The following UBE3C variants were observed in gnomAD, a reference collection of about 807,000 sequenced individuals.
UBE3C encodes the protein ubiquitin-protein ligase E3C.
Under a neutral mutation model 129.4 loss-of-function variants are expected in UBE3C, and 42 were observed. That is an observed-to-expected ratio of 0.32 (90% CI 0.25 to 0.42). The LOEUF is 0.42. Ranked by LOEUF, UBE3C falls within the 10% of genes least tolerant of loss-of-function variation. The probability of loss-of-function intolerance (pLI) is 1.00; values close to 1 mark genes in which losing one functional copy is unlikely to be tolerated. For synonymous variants in UBE3C, 510 were observed against 492.4 expected (o/e 1.04, Z -0.47); for missense variants, 1,049 against 1,319.1 (o/e 0.80, Z 3.17).
intron 1 of UBE3C, among the ~76,000 whole-genome samples, chr7:157,150,637 C>T (rs1010096388): frequency 4.6e-5 from 7 of 152,110 alleles, no homozygotes; most frequent in East Asian, 1.9e-4. Flanking sequence ...GGTCATGATG[C>T]GTATTAATGT....
intron 18 of UBE3C, among the ~76,000 whole-genome samples, chr7:157,245,723 G>A (rs1456651292): frequency 6.6e-6 from 1 of 152,200 alleles, no homozygotes; most frequent in East Asian, 1.9e-4. Flanking sequence ...GGGATGTTAT[G>A]CCGGCTCTAG....
At chr7:157,220,576 G>A (rs1335130810) in intron 14 of UBE3C, 113 bp from the exon 15 acceptor site, 5 of 1,207,676 alleles carry the variant, frequency 4.1e-6, no homozygotes, top group Non-Finnish European at 5.8e-6. Context: ...AGGTCAGAGA[G>A]AGGGCCCAGC....
chr7:157,154,510 A>G (rs1296805912), intron 1 of UBE3C, among the ~76,000 whole-genome samples: 1 of 152,176 alleles, frequency 6.6e-6, no homozygotes, highest in African/African-American at 2.4e-5. Flanking sequence ...AAAATATCTT[A>G]GTGATTCCAT....
intron 1 of UBE3C, among the ~76,000 whole-genome samples, chr7:157,147,735 A>C (rs1807646326): frequency 6.6e-6 from 1 of 152,180 alleles, no homozygotes; most frequent in Admixed American, 6.5e-5. Flanking sequence ...CCTAGTTTGC[A>C]GAATTTTATC....
chr7:157,172,151 C>T (rs895402013), intron 4 of UBE3C, among the ~76,000 whole-genome samples: 4 of 151,996 alleles, frequency 2.6e-5, no homozygotes, highest in South Asian at 4.2e-4. Flanking sequence ...CCTACCTGAG[C>T]GCCCTGAGTA....
chr7:157,176,462 A>G (rs1274288981), intron 5 of UBE3C, among the ~76,000 whole-genome samples: 2 of 152,132 alleles, frequency 1.3e-5, no homozygotes, highest in Non-Finnish European at 2.9e-5. Flanking sequence ...TTTAGTAGAG[A>G]TGGGGTTTTG....
chr7:157,139,148 G>T lies in UBE3C; in HGVS notation c.-125G>T. ...GGGGGCGGGCTCGGGTCGCCTCCCG[G>T]CCGCCGCGTCCTCGCTGCCCCGGGC... On this transcript the variant is annotated 5_prime_UTR_variant, in exon 1 of 23. Transcript: ENST00000348165. The T allele has an allele frequency of 5.4e-6, 3 of 555,400 alleles. No homozygotes were observed. The highest frequency in any genetic ancestry group is 6.9e-6 in the Non-Finnish European group (3 of 433,302). 34.4% of individuals were successfully genotyped at this position (555,400 alleles called of 1,614,324 possible).
At chr7:157,224,472 G>A (rs1411265822) in intron 16 of UBE3C, among the ~76,000 whole-genome samples, 3 of 152,136 alleles carry the variant, frequency 2.0e-5, no homozygotes, top group Non-Finnish European at 2.9e-5. Flanking sequence ...GAAATTACAG[G>A]CATGAGCCAC....
intron 22 of UBE3C, among the ~76,000 whole-genome samples, chr7:157,263,935 A>C (rs1425393335): frequency 1.3e-5 from 2 of 152,004 alleles, no homozygotes; most frequent in African/African-American, 4.8e-5. Flanking sequence ...GTAGATATGC[A>C]TAATTTTTTC....
intron 19 of UBE3C, among the ~76,000 whole-genome samples, chr7:157,250,440 A>C (rs535734373): frequency 5.3e-5 from 8 of 150,966 alleles, no homozygotes; most frequent in African/African-American, 2.0e-4. Flanking sequence ...TCCTGCCTCA[A>C]CCTCCCAAAG....
chr7:157,158,523 C>T (rs573653425), intron 1 of UBE3C, among the ~76,000 whole-genome samples: 30 of 152,290 alleles, frequency 2.0e-4, no homozygotes, highest in South Asian at 1.7e-3. Context: ...GCTGCCAAAG[C>T]TGTGATTAAA....
rs1400184537 is a variant in UBE3C at position 157,175,141 on chromosome 7, T to TTA, written c.458+108_458+109insAT. Reference sequence around the variant, plus strand: ...AGAGACAGTGGCTTTTCCATACTTTTTTTTTTTTTTTTTTTTTGAGGTCAT... The same window carrying TTA: ...AGAGACAGTGGCTTTTCCATACTTTTTATTTTTTTTTTTTTTTTTGAGGTCAT... On this transcript the variant is annotated intron_variant, in intron 5 of 22. Transcript: ENST00000348165. 5.8e-4 allele frequency: 350 copies of TTA among 602,410 alleles called. 7 individuals are homozygous for TTA. In the African/African-American group the frequency reaches 6.5e-3, roughly 11 times the overall value. The allele number at this position is 602,410 out of a possible 1,614,324, so 37.3% of individuals were successfully genotyped here. A position where few individuals can be genotyped will look rare whatever the true frequency, so the allele number is the denominator to read the frequency against.
chr7:157,253,363 G>A (rs1451888324), intron 19 of UBE3C, among the ~76,000 whole-genome samples: 1 of 152,220 alleles, frequency 6.6e-6, no homozygotes, highest in East Asian at 1.9e-4. Context: ...TGCAAATTCT[G>A]TGAGTATAGC....
intron 18 of UBE3C, among the ~76,000 whole-genome samples, chr7:157,243,199 G>A (rs973982080): frequency 6.6e-6 from 1 of 152,204 alleles, no homozygotes; most frequent in Admixed American, 6.5e-5. Flanking sequence ...GTGCCCTGCA[G>A]GGCTTCCGAA....
At chr7:157,236,230 T>C (rs1796149113) in intron 18 of UBE3C, among the ~76,000 whole-genome samples, 1 of 147,712 alleles carries the variant, frequency 6.8e-6, no homozygotes, top group Admixed American at 7.0e-5. Flanking sequence ...TGTGGTAATG[T>C]CATCTTGAAC....
intron 1 of UBE3C, among the ~76,000 whole-genome samples, chr7:157,156,885 G>T (rs1426054559): frequency 6.6e-6 from 1 of 151,892 alleles, no homozygotes; most frequent in Non-Finnish European, 1.5e-5. Context: ...ATTTTCAGCA[G>T]CCAAAAAAAT....
intron 8 of UBE3C, 112 bp from the exon 9 acceptor site, chr7:157,183,763 AAAT>A: frequency 7.6e-7 from 1 of 1,317,532 alleles, no homozygotes; most frequent in Non-Finnish European, 1.0e-6. Context: ...AGAATTTTAA[AAAT>A]AAGATCTGGT....
At chr7:157,193,541 G>A (rs941621060) in intron 10 of UBE3C, among the ~76,000 whole-genome samples, 39 of 152,098 alleles carry the variant, frequency 2.6e-4, no homozygotes, top group African/African-American at 9.2e-4. Flanking sequence ...TCATAGGATT[G>A]TTACAGCTAA....
chr7:157,153,823 A>AAAACAAAC (rs112301421), intron 1 of UBE3C, among the ~76,000 whole-genome samples: 16 of 150,374 alleles, frequency 1.1e-4, no homozygotes, highest in Non-Finnish European at 1.8e-4. Flanking sequence ...CTAAAAATAC[A>AAAACAAAC]AAACAAACAA....
Sources: allele counts gnomAD v4.1 joint callset (sites outside exome capture counted in the v4.1 genomes callset), GRCh38; gene constraint gnomAD v4.1.1; transcripts MANE v1.5; gene names NCBI Gene and HGNC (gene_info 2026-07-23, HGNC 2026-07-21).